TP63: variants seen among roughly 807,000 people sequenced by gnomAD.
TP63 encodes tumor protein 63.
In TP63, 17 loss-of-function variants were observed where a neutral mutation model predicts 82.8. The ratio of observed to expected loss-of-function variants is 0.21; its 90% confidence interval spans 0.14 to 0.31. The LOEUF is 0.31. TP63 is among the 10% of genes least tolerant of loss of function. The pLI, the probability that TP63 is intolerant of heterozygous loss-of-function variation, is 1.00. For missense variants in TP63, 648 were observed against 895.3 expected, an observed-to-expected ratio of 0.72 and a Z score of 3.52; for synonymous variants, 330 against 321.7, an observed-to-expected ratio of 1.03 and a Z score of -0.28.
the TP63 span, among the ~76,000 whole-genome samples, chr3:189,624,251 C>T: frequency 3.3e-5 from 5 of 152,048 alleles, no homozygotes; most frequent in South Asian, 8.3e-4. Flanking sequence ...CAGCAGATCA[C>T]GTAAATTTTT....
intron 9 of TP63, among the ~76,000 whole-genome samples, chr3:189,869,729 T>A (rs115607552): frequency 0.013 from 2,004 of 151,724 alleles, 21 homozygotes; most frequent in South Asian, 0.025. Context: ...TTTTTTTTTT[T>A]TTATAAGGGC....
chr3:189,613,820 T>G, the TP63 span, among the ~76,000 whole-genome samples: 1 of 152,202 alleles, frequency 6.6e-6, no homozygotes, highest in African/African-American at 2.4e-5. Context: ...AAAATTTGAC[T>G]GCCCTGCTGG....
At position 189,808,485 on chromosome 3, in the gene TP63, T is replaced by G. The variant is rs1002291717; in HGVS notation, c.538T>G (p.Ser180Ala). 2.5e-6 allele frequency: 4 copies of G among 1,614,016 alleles called. No homozygotes were observed. In the African/African-American group the frequency reaches 5.3e-5, roughly 22 times the overall value. ...CCCAGGCCCGCACAGTTTCGACGTG[T>G]CCTTCCAGCAGTCGAGCACCGCCAA... ...DYPGPHSFDVSFQQSSTAKSA... is the reference protein window; with the variant it reads ...DYPGPHSFDVAFQQSSTAKSA... The change falls in exon 4 of 14, where the codon TCC (serine) becomes GCC (alanine). Residue 180 changes from serine (S) to alanine (A), a missense_variant. Transcript: ENST00000264731.
At chr3:189,780,202 A>G (rs1184154794) in intron 3 of TP63, among the ~76,000 whole-genome samples, 5 of 152,230 alleles carry the variant, frequency 3.3e-5, no homozygotes, top group African/African-American at 4.8e-5. Context: ...TGGAGATAAC[A>G]GAGGAACTAG....
chr3:189,657,854 G>A (rs9830903), intron 1 of TP63, among the ~76,000 whole-genome samples: 60,971 of 151,876 alleles, frequency 0.4, 13,444 homozygotes, highest in Middle Eastern at 0.64. Context: ...TGGCCTCGGA[G>A]GAGTGATGTC....
intron 4 of TP63, among the ~76,000 whole-genome samples, chr3:189,835,035 T>A (rs2108721469): frequency 6.6e-6 from 1 of 152,238 alleles, no homozygotes; most frequent in African/African-American, 2.4e-5. Context: ...CCGAGTCCTG[T>A]GAGACAAAAA....
In TP63 at chr3:189,880,505, G is replaced by A. The variant is rs528953283; in HGVS notation, c.1350-5889G>A. 6.1e-5 allele frequency: 62 copies of A among 1,009,182 alleles called. No homozygotes were observed. The South Asian group carries it at 2.2e-3, about 36-fold the overall frequency. The allele number at this position is 1,009,182 out of a possible 1,614,324, so 62.5% of individuals were successfully genotyped here. On this transcript the variant is annotated intron_variant, in intron 10 of 13. Transcript: ENST00000264731. ...CAGGTGGGGAAAGGGGCATTAAGAT[G>A]TTTATTGGAACCCTTTTCTGTCTTC...
intron 4 of TP63, among the ~76,000 whole-genome samples, chr3:189,819,747 C>CTT (rs367763002): frequency 0.021 from 1,876 of 89,794 alleles, 94 homozygotes; most frequent in African/African-American, 0.034. Flanking sequence ...TATATTTTAC[C>CTT]TTTTTTTTTT....
intron 1 of TP63, among the ~76,000 whole-genome samples, chr3:189,714,450 G>A (rs988130572): frequency 6.6e-6 from 1 of 152,092 alleles, no homozygotes; most frequent in African/African-American, 2.4e-5. Context: ...GACAAGTACC[G>A]AAAAACAAAT....
intron 3 of TP63, among the ~76,000 whole-genome samples, chr3:189,796,807 C>CA (rs1021408435): frequency 6.6e-5 from 10 of 151,732 alleles, no homozygotes; most frequent in East Asian, 3.9e-4. Flanking sequence ...CCATTTTCTG[C>CA]AAAAAAAATT....
chr3:189,802,631 T>A (rs1726434989), intron 3 of TP63, among the ~76,000 whole-genome samples: 1 of 152,198 alleles, frequency 6.6e-6, no homozygotes, highest in Non-Finnish European at 1.5e-5. Context: ...AGCACACTAG[T>A]GGCAGTGTTG....
At chr3:189,734,106 TTC>T (rs1191167821) in intron 1 of TP63, among the ~76,000 whole-genome samples, 6 of 150,510 alleles carry the variant, frequency 4.0e-5, no homozygotes, top group Non-Finnish European at 4.4e-5. Context: ...TTCTCTTTCT[TTC>T]TCTCTCTCTC....
intron 4 of TP63, among the ~76,000 whole-genome samples, chr3:189,852,768 T>C (rs1464589803): frequency 2.0e-5 from 3 of 152,176 alleles, no homozygotes; most frequent in African/African-American, 7.2e-5. Context: ...GTTAACGGTA[T>C]CTTGTGACAT....
Position 189,894,325 on chromosome 3 carries a change from T to G in TP63, c.1866T>G (p.Ser622Arg), listed in dbSNP as rs750361205. ...SPSHLLRTPS[S>R]ASTVSVGSSE... ...CTCATCTCCTGCGGACCCCAAGCAG[T>G]GCCTCTACAGTCAGTGTGGGCTCCA... Residue 622 changes from serine (S) to arginine (R), a missense_variant, in exon 14 of 14, where the codon AGT (serine) becomes AGG (arginine). Ser to Arg is a moderately radical substitution (Grantham distance 110, BLOSUM62 -1). Around this residue, in one of 5 missense-constraint regions of TP63, gnomAD observed 342 missense variants for 425.7 expected, o/e 0.80. Transcript: ENST00000264731. 1.9e-6 allele frequency: 3 copies of G among 1,613,890 alleles called. No individual in the cohort carries two copies. Among genetic ancestry groups the G allele is most frequent in the Admixed American group, 1.7e-5 (1 of 59,988 alleles).
intron 1 of TP63, among the ~76,000 whole-genome samples, chr3:189,657,288 A>G (rs1713469592): frequency 6.6e-6 from 1 of 152,130 alleles, no homozygotes; most frequent in African/African-American, 2.4e-5. Flanking sequence ...TGAATTTGTC[A>G]AAACCAAGAG....
In TP63 at chr3:189,833,228, G is replaced by A. The variant is rs186308256; in HGVS notation, c.579+24702G>A. The stretch of plus-strand genomic sequence containing the variant: ...TATGACAAATTCAGCACAGTGAGGG[G>A]AAGAAACAGTGATGATAGTGATGGC... On this transcript the variant is annotated intron_variant, in intron 4 of 13. Coordinates refer to ENST00000264731, the MANE Select transcript of TP63 (RefSeq NM_003722.5). Among the ~76,000 whole-genome samples, 588 of 152,280 alleles carry A rather than the reference G, an allele frequency of 3.9e-3. 4 individuals carry two copies. The highest frequency in any genetic ancestry group is 0.014 in the Middle Eastern group (4 of 294).
intron 3 of TP63, among the ~76,000 whole-genome samples, chr3:189,794,999 G>C (rs1725550093): frequency 6.6e-6 from 1 of 152,088 alleles, no homozygotes; most frequent in East Asian, 1.9e-4. Context: ...ACTGGTCTTG[G>C]TTTGTCTTTA....
chr3:189,743,989 C>T (rs1721188687), intron 3 of TP63, among the ~76,000 whole-genome samples: 1 of 152,120 alleles, frequency 6.6e-6, no homozygotes, highest in Non-Finnish European at 1.5e-5. Context: ...CATGCTGAAT[C>T]CCACAAACCT....
At chr3:189,722,107 C>T (rs376184491) in intron 1 of TP63, among the ~76,000 whole-genome samples, 5 of 152,202 alleles carry the variant, frequency 3.3e-5, no homozygotes, top group East Asian at 3.9e-4. Context: ...AGACAAGAAA[C>T]TGGTGAGCCT....
Sources: allele counts gnomAD v4.1 joint callset (sites outside exome capture counted in the v4.1 genomes callset), GRCh38; gene constraint gnomAD v4.1.1; regional missense constraint gnomAD v4.1.1; transcripts MANE v1.5; gene names NCBI Gene and HGNC (gene_info 2026-07-23, HGNC 2026-07-21).